Variants in KCNIP4 observed in about 807,000 individuals in gnomAD.
KCNIP4 encodes Kv channel-interacting protein 4.
In KCNIP4, 12 loss-of-function variants were observed where a neutral mutation model predicts 34.0. The ratio of observed to expected loss-of-function variants is 0.35; its 90% CI spans 0.23 to 0.57. The LOEUF is 0.57. KCNIP4 is among the 20% of genes least tolerant of loss of function. The probability of loss-of-function intolerance (pLI) is 0.83; values close to 1 mark genes in which losing one functional copy is unlikely to be tolerated. For missense variants in KCNIP4, 238 were observed against 311.7 expected (o/e 0.76, Z 1.78); for synonymous variants, 124 against 102.2 (o/e 1.21, Z -1.29).
At chr4:21,812,390 G>C (rs1273216347) in intron 1 of KCNIP4, among the ~76,000 whole-genome samples, 2 of 152,002 alleles carry the variant, frequency 1.3e-5, no homozygotes, top group East Asian at 1.9e-4. Context: ...CATATTATAG[G>C]GAATGCCAGC....
intron 1 of KCNIP4, among the ~76,000 whole-genome samples, chr4:21,914,119 C>A (rs761785056): frequency 2.6e-5 from 4 of 152,072 alleles, no homozygotes; most frequent in African/African-American, 4.8e-5. Flanking sequence ...GAAAGGGCTT[C>A]AAGCAGGTGA....
intron 1 of KCNIP4, among the ~76,000 whole-genome samples, chr4:21,757,199 GA>G (rs1275335877): frequency 0.012 from 322 of 26,054 alleles, 3 homozygotes; most frequent in Admixed American, 0.036. Context: ...AGGAAGGAAG[GA>G]AAGAAAGAAA....
chr4:21,626,937 T>G (rs950971059), intron 1 of KCNIP4, among the ~76,000 whole-genome samples: 1 of 152,162 alleles, frequency 6.6e-6, no homozygotes, highest in African/African-American at 2.4e-5. Flanking sequence ...TTACAATCTA[T>G]GTTTATTTTA....
intron 1 of KCNIP4, among the ~76,000 whole-genome samples, chr4:21,889,419 C>T (rs553542980): frequency 6.6e-6 from 1 of 152,066 alleles, no homozygotes; most frequent in African/African-American, 2.4e-5. Flanking sequence ...TGATCTCAAA[C>T]ATTTTGGATA....
intron 1 of KCNIP4, among the ~76,000 whole-genome samples, chr4:21,798,404 C>CACATATATATATATAT (rs1720761180): frequency 7.7e-6 from 1 of 129,644 alleles, no homozygotes. Context: ...CAAAAAAATA[C>CACATATATATATATAT]ATATATATAT....
At chr4:20,756,248 C>T (rs1210001473) in intron 4 of KCNIP4, among the ~76,000 whole-genome samples, 1 of 151,712 alleles carries the variant, frequency 6.6e-6, no homozygotes, top group Non-Finnish European at 1.5e-5. Flanking sequence ...ACAGTTGTCC[C>T]CTATATTGAG....
chr4:21,039,584 GACAA>G lies in KCNIP4; in HGVS notation c.62-156879_62-156876del, dbSNP rs985830225. The stretch of plus-strand genomic sequence containing the variant: ...AAAGCACTTAAAATCTAATGAGAGA[GACAA>G]ACAAACTGGAAAATTTCCAGTTGTT... On this transcript the variant is annotated intron_variant, in intron 1 of 8. Transcript: ENST00000382152. Among the ~76,000 whole-genome samples, 17 of 152,000 alleles carry G rather than the reference GACAA, an allele frequency of 1.1e-4. 1 individual carries two copies. Among genetic ancestry groups the G allele is most frequent in the African/African-American group, 2.9e-4 (12 of 41,504 alleles).
chr4:21,566,781 T>A (rs563394697), intron 1 of KCNIP4, among the ~76,000 whole-genome samples: 1 of 152,254 alleles, frequency 6.6e-6, no homozygotes, highest in South Asian at 2.1e-4. Flanking sequence ...GATTTACTCC[T>A]GATGAGAGGT....
At chr4:20,887,776 C>G (rs937459122) in intron 1 of KCNIP4, among the ~76,000 whole-genome samples, 1 of 152,048 alleles carries the variant, frequency 6.6e-6, no homozygotes, top group African/African-American at 2.4e-5. Flanking sequence ...TGGCATAATA[C>G]GGAAACTTGA....
At chr4:21,422,699 G>A (rs1025101778) in intron 1 of KCNIP4, among the ~76,000 whole-genome samples, 2 of 151,394 alleles carry the variant, frequency 1.3e-5, no homozygotes, top group Non-Finnish European at 2.9e-5. Flanking sequence ...GTCTGCATAT[G>A]TGCTTGATTC....
chr4:21,916,843 C>G (rs926285059), intron 1 of KCNIP4, among the ~76,000 whole-genome samples: 6 of 152,198 alleles, frequency 3.9e-5, no homozygotes, highest in African/African-American at 1.4e-4. Flanking sequence ...TCAGCAATAT[C>G]AAAGCTTCTC....
At chr4:21,332,582 A>G (rs936782074) in intron 1 of KCNIP4, among the ~76,000 whole-genome samples, 1 of 151,852 alleles carries the variant, frequency 6.6e-6, no homozygotes, top group Non-Finnish European at 1.5e-5. Context: ...AGGCACAGCA[A>G]CCCTGACTTG....
At chr4:21,643,747 C>T (rs769622429) in intron 1 of KCNIP4, among the ~76,000 whole-genome samples, 18 of 152,046 alleles carry the variant, frequency 1.2e-4, no homozygotes, top group Non-Finnish European at 2.4e-4. Context: ...GAACTCTTCC[C>T]TGGGTCTCCA....
chr4:21,936,849 C>A (rs1729889000), intron 1 of KCNIP4, among the ~76,000 whole-genome samples: 1 of 152,034 alleles, frequency 6.6e-6, no homozygotes, highest in South Asian at 2.1e-4. Context: ...ACATGCCAGT[C>A]ACTGACCTCC....
intron 1 of KCNIP4, among the ~76,000 whole-genome samples, chr4:21,400,564 TCTTCTCTTCTCTTC>T (rs879912697): frequency 0.068 from 5,674 of 83,376 alleles, 273 homozygotes; most frequent in Non-Finnish European, 0.11. Context: ...TCTTCTCTTC[TCTTCTCTTCTCTTC>T]GTTCTTTCTT....
At chr4:20,928,906 T>G (rs1369002254) in intron 1 of KCNIP4, among the ~76,000 whole-genome samples, 1 of 151,906 alleles carries the variant, frequency 6.6e-6, no homozygotes, top group Non-Finnish European at 1.5e-5. Flanking sequence ...ATTCAAAACT[T>G]TGCAACAAAG....
chr4:21,512,192 GGAACGAAC>G (rs201852364), intron 1 of KCNIP4, among the ~76,000 whole-genome samples: 60,330 of 118,550 alleles, frequency 0.51, 13,723 homozygotes, highest in Non-Finnish European at 0.59. Flanking sequence ...AACGAACGAA[GGAACGAAC>G]GAAGGAAGGA....
At chr4:20,831,179 C>T (rs560017177) in intron 3 of KCNIP4, among the ~76,000 whole-genome samples, 2 of 148,798 alleles carry the variant, frequency 1.3e-5, no homozygotes, top group African/African-American at 4.9e-5. Context: ...AATTGAGCAT[C>T]AGGATCTAGC....
chr4:21,099,084 G>C (rs542695673), intron 1 of KCNIP4, among the ~76,000 whole-genome samples: 1 of 152,276 alleles, frequency 6.6e-6, no homozygotes, highest in African/African-American at 2.4e-5. Flanking sequence ...TCTAGACGCA[G>C]AAATATCATT....
Sources: gnomAD v4.1 joint callset for allele counts (sites outside exome capture counted in the v4.1 genomes callset) on GRCh38, gnomAD v4.1.1 for gene constraint, MANE v1.5 for transcripts, NCBI Gene and HGNC (gene_info 2026-07-23, HGNC 2026-07-21) for gene names.